The following LGR5 variants were observed in gnomAD, a reference collection of about 807,000 sequenced individuals.
LGR5 encodes the protein leucine rich repeat containing G protein-coupled receptor 5.
In LGR5, 54 loss-of-function variants were observed where a neutral mutation model predicts 76.7. That is an observed-to-expected ratio of 0.70 (90% confidence interval 0.57 to 0.88). LGR5 has a LOEUF of 0.88. Ranked by LOEUF, LGR5 falls within the 40% of genes least tolerant of loss-of-function variation. The pLI is 0.00. For synonymous variants in LGR5, 406 were observed against 421.9 expected (o/e 0.96, Z 0.46); for missense variants, 1,078 against 1,073.3 (o/e 1.00, Z -0.06).
intron 2 of LGR5, among the ~76,000 whole-genome samples, chr12:71,508,121 G>T (rs369337782): frequency 2.0e-5 from 3 of 151,572 alleles, no homozygotes; most frequent in Admixed American, 2.0e-4. Context: ...CCAGCTACTC[G>T]GGAGGCTGAG....
intron 1 of LGR5, among the ~76,000 whole-genome samples, chr12:71,459,022 C>T (rs1380410081): frequency 2.0e-5 from 3 of 151,602 alleles, no homozygotes; most frequent in Non-Finnish European, 4.4e-5. Flanking sequence ...CTAGACTTTC[C>T]CATTTAAGTC....
intron 2 of LGR5, among the ~76,000 whole-genome samples, chr12:71,511,129 G>A (rs1158072612): frequency 3.3e-5 from 5 of 152,156 alleles, no homozygotes; most frequent in Admixed American, 6.5e-5. Context: ...AATAGATTGG[G>A]GAATTATGGA....
chr12:71,557,261 G>A (rs1312575917), intron 6 of LGR5, among the ~76,000 whole-genome samples: 1 of 152,126 alleles, frequency 6.6e-6, no homozygotes, highest in East Asian at 1.9e-4. Flanking sequence ...CTCCAACCTG[G>A]GTGACAGAGC....
At chr12:71,564,672 GTATA>G in intron 8 of LGR5, among the ~76,000 whole-genome samples, 1 of 91,438 alleles carries the variant, frequency 1.1e-5, no homozygotes, top group East Asian at 3.4e-4. Flanking sequence ...TACACACACT[GTATA>G]TATACATATA....
At chr12:71,546,196 T>C (rs1877151587) in intron 4 of LGR5, among the ~76,000 whole-genome samples, 1 of 150,444 alleles carries the variant, frequency 6.6e-6, no homozygotes, top group Non-Finnish European at 1.5e-5. Flanking sequence ...GCACCTATAA[T>C]ACCAGCTACT....
At chr12:71,581,766 C>A (rs779118140) in intron 16 of LGR5, among the ~76,000 whole-genome samples, 1 of 152,206 alleles carries the variant, frequency 6.6e-6, no homozygotes, top group Non-Finnish European at 1.5e-5. Context: ...TGAAAGTACA[C>A]AATGAACAAC....
chr12:71,531,023 G>A (rs914105126), intron 3 of LGR5, among the ~76,000 whole-genome samples: 2 of 151,060 alleles, frequency 1.3e-5, no homozygotes, highest in South Asian at 2.1e-4. Context: ...AGTGGGGGAG[G>A]GACCAAAAAA....
intron 1 of LGR5, among the ~76,000 whole-genome samples, chr12:71,486,704 G>A (rs1873842792): frequency 6.6e-6 from 1 of 152,296 alleles, no homozygotes; most frequent in South Asian, 2.1e-4. Flanking sequence ...GAGTGCCACT[G>A]AGGTCAAATT....
intron 1 of LGR5, among the ~76,000 whole-genome samples, chr12:71,475,733 A>T (rs1873306394): frequency 6.6e-6 from 1 of 152,190 alleles, no homozygotes; most frequent in Admixed American, 6.5e-5. Flanking sequence ...AAAGGTTGTG[A>T]TTAACAGTTT....
intron 2 of LGR5, among the ~76,000 whole-genome samples, chr12:71,517,332 C>A (rs1312485261): frequency 6.6e-6 from 1 of 152,182 alleles, no homozygotes; most frequent in African/African-American, 2.4e-5. Context: ...AGACAGACTG[C>A]CCTGATAACA....
chr12:71,502,724 TCTC>T (rs947756124), intron 1 of LGR5, among the ~76,000 whole-genome samples: 9 of 152,160 alleles, frequency 5.9e-5, no homozygotes, highest in African/African-American at 1.9e-4. Flanking sequence ...GCTGCCCTAG[TCTC>T]CTCCACCATA....
chr12:71,514,522 C>T (rs1250228252), intron 2 of LGR5, among the ~76,000 whole-genome samples: 1 of 148,244 alleles, frequency 6.7e-6, no homozygotes, highest in Non-Finnish European at 1.5e-5. Flanking sequence ...GAGCCCAGAT[C>T]GCGCCACTGC....
chr12:71,449,445 AAAGGAAATCCTAGTT>A (rs1872161585), intron 1 of LGR5, among the ~76,000 whole-genome samples: 1 of 152,116 alleles, frequency 6.6e-6, no homozygotes, highest in African/African-American at 2.4e-5. Flanking sequence ...TTGGGTAGCA[AAAGGAAATCCTAGTT>A]AAACCAGATT....
chr12:71,565,439 TATATAG>T lies in LGR5; in HGVS notation c.858-964_858-959del, dbSNP rs1312879501. Among the ~76,000 whole-genome samples the T allele has an allele frequency of 4.0e-3, 23 of 5,696 alleles. No homozygotes were observed. In the Non-Finnish European group the frequency reaches 0.061, roughly 15 times the overall value. The allele number at this position is 5,696 out of a possible 152,430, so 3.7% of individuals were successfully genotyped here. A position where few individuals can be genotyped will look rare whatever the true frequency, so the allele number is the denominator to read the frequency against. On this transcript the variant is annotated intron_variant, in intron 8 of 17. Transcript: ENST00000266674. ...CAATTGAGCTATATATATATATATA[TATATAG>T]CTCATATATAGACATATATACATAT...
intron 11 of LGR5, among the ~76,000 whole-genome samples, chr12:71,570,663 C>T (rs556126676): frequency 6.6e-6 from 1 of 152,120 alleles, no homozygotes; most frequent in South Asian, 2.1e-4. Context: ...TTCATTTGTA[C>T]TATTTATGCG....
At chr12:71,454,776 A>AACACAC (rs35219754) in intron 1 of LGR5, among the ~76,000 whole-genome samples, 31 of 147,038 alleles carry the variant, frequency 2.1e-4, no homozygotes, top group African/African-American at 7.3e-4. Flanking sequence ...CATAGACACA[A>AACACAC]ACACACACAC....
intron 6 of LGR5, among the ~76,000 whole-genome samples, chr12:71,559,236 C>T (rs566590906): frequency 7.9e-5 from 12 of 152,112 alleles, no homozygotes; most frequent in African/African-American, 2.7e-4. Flanking sequence ...TTAGTGAGCC[C>T]GGTTCAGTTG....
chr12:71,440,189 C>A lies in LGR5; in HGVS notation c.109C>A (p.His37Asn), dbSNP rs1871693357. The A allele has an allele frequency of 6.2e-7, 1 of 1,612,264 alleles. No homozygotes were observed. Among genetic ancestry groups the A allele is most frequent in the African/African-American group, 1.3e-5 (1 of 74,916 alleles). Residue 37 changes from histidine to asparagine, a missense_variant, in exon 1 of 18, where the codon CAC becomes AAC. Transcript: ENST00000266674. The surrounding 1 kb of genome is among the most constrained non-coding windows in gnomAD (Gnocchi z 5.3). ...SGVLLRGCPT[H>N]CHCEPDGRML... Reference sequence around the variant, plus strand: ...TGTGTTGCTGAGGGGCTGCCCCACACACTGTCATTGCGAGCCCGACGGCAG... The same window carrying A: ...TGTGTTGCTGAGGGGCTGCCCCACAAACTGTCATTGCGAGCCCGACGGCAG...
intron 13 of LGR5, among the ~76,000 whole-genome samples, chr12:71,574,301 C>CAAAAAAAA (rs1726461): frequency 2.0e-5 from 1 of 50,230 alleles, no homozygotes; most frequent in African/African-American, 8.5e-5. Context: ...GACTCTGTCT[C>CAAAAAAAA]AAAAAAAAAA....
Sources: gnomAD v4.1 joint callset for allele counts (sites outside exome capture counted in the v4.1 genomes callset) on GRCh38, gnomAD v4.1.1 for gene constraint, Gnocchi (gnomAD v3.1) non-coding constraint, MANE v1.5 for transcripts, NCBI Gene and HGNC (gene_info 2026-07-23, HGNC 2026-07-21) for gene names.